The following TSNARE1 variants were observed in gnomAD, a reference collection of about 807,000 sequenced individuals.
TSNARE1 encodes the protein t-SNARE domain containing 1, also known as t-SNARE domain-containing protein 1.
In TSNARE1, 49 loss-of-function variants were observed where a neutral mutation model predicts 62.0. That is an observed-to-expected ratio of 0.79 (90% CI 0.63 to 1.00). The LOEUF (loss-of-function observed/expected upper bound fraction) is 1.00, where lower values mean the gene tolerates loss of function less well. Among genes scored for constraint, TSNARE1 ranks in the 50% least tolerant of loss-of-function variants. The probability of loss-of-function intolerance (pLI) is 0.00; values close to 1 mark genes in which losing one functional copy is unlikely to be tolerated. For missense variants in TSNARE1, 755 were observed against 700.1 expected (o/e 1.08, Z -0.88); for synonymous variants, 328 against 294.4 (o/e 1.11, Z -1.17).
intron 9 of TSNARE1, among the ~76,000 whole-genome samples, chr8:142,310,034 TTTTTTA>T (rs61510789): frequency 0.043 from 6,485 of 152,268 alleles, 350 homozygotes; most frequent in African/African-American, 0.13. Context: ...GCGTTTTTCT[TTTTTTA>T]ATGTGTAGGA....
At chr8:142,229,100 G>A (rs1816969815) in intron 13 of TSNARE1, among the ~76,000 whole-genome samples, 1 of 67,966 alleles carries the variant, frequency 1.5e-5, no homozygotes, top group African/African-American at 8.8e-5. Context: ...ATGGATGGAT[G>A]GATGGAAGGA....
In TSNARE1 at chr8:142,341,980, C is replaced by T. The variant is rs376266618; in HGVS notation, c.745+1986G>A. Among the ~76,000 whole-genome samples the T allele has an allele frequency of 2.6e-3, 400 of 152,318 alleles. 2 individuals carry two copies. The highest frequency in any genetic ancestry group is 9.0e-3 in the African/African-American group (375 of 41,578). On this transcript the variant is annotated intron_variant, in intron 4 of 13. Transcript: ENST00000524325. ...TGCTCTGTGTCACCCCAGTCCCAGGCCCTGCCGGCCACCTACAATAGGGGC... is the reference window on the plus strand; with the variant it reads ...TGCTCTGTGTCACCCCAGTCCCAGGTCCTGCCGGCCACCTACAATAGGGGC...
intron 4 of TSNARE1, among the ~76,000 whole-genome samples, chr8:142,338,559 A>ACAGG (rs1425444930): frequency 2.0e-5 from 3 of 151,660 alleles, no homozygotes; most frequent in African/African-American, 7.3e-5. Context: ...GGGCAAGCTG[A>ACAGG]CAGGCTGCCT....
chr8:142,342,508 G>A (rs997021002), intron 4 of TSNARE1, among the ~76,000 whole-genome samples: 2 of 152,126 alleles, frequency 1.3e-5, no homozygotes, highest in Non-Finnish European at 2.9e-5. Context: ...CCAGTCCCGG[G>A]GCAGGGCATG....
At chr8:142,273,541 T>C (rs1479563356) in intron 12 of TSNARE1, 6 of 985,318 alleles carry the variant, frequency 6.1e-6, no homozygotes, top group East Asian at 2.3e-4. Flanking sequence ...CAGGTGACCT[T>C]GGCACAGCCT....
At chr8:142,216,843 G>T (rs1159741606) in intron 13 of TSNARE1, among the ~76,000 whole-genome samples, 1 of 152,124 alleles carries the variant, frequency 6.6e-6, no homozygotes, top group African/African-American at 2.4e-5. Context: ...GACATCCCTG[G>T]GCCCCACACT....
intron 4 of TSNARE1, 84 bp from the exon 5 acceptor site, chr8:142,331,915 C>T: frequency 1.5e-6 from 2 of 1,375,202 alleles, no homozygotes; most frequent in Non-Finnish European, 2.0e-6. Context: ...CTGGGCAGCC[C>T]CCAGGGGCAG....
intron 11 of TSNARE1, chr8:142,275,773 G>C: frequency 1.0e-6 from 1 of 985,444 alleles, no homozygotes; most frequent in South Asian, 4.7e-5. Flanking sequence ...ACAGACCTGA[G>C]CTGACTTGAG....
chr8:142,338,667 C>T (rs1422797059), intron 4 of TSNARE1, among the ~76,000 whole-genome samples: 2 of 152,262 alleles, frequency 1.3e-5, no homozygotes, highest in African/African-American at 4.8e-5. Context: ...CCAGGCAGTT[C>T]CCCAGTTGCC....
chr8:142,298,721 ACT>A (rs1339169312), intron 10 of TSNARE1, among the ~76,000 whole-genome samples: 2 of 151,634 alleles, frequency 1.3e-5, no homozygotes, highest in African/African-American at 4.9e-5. Flanking sequence ...TCCTCACGAC[ACT>A]CTATGCCCCA....
chr8:142,322,819 TGGACAAC>T (rs1228541645), intron 6 of TSNARE1, among the ~76,000 whole-genome samples: 1 of 151,678 alleles, frequency 6.6e-6, no homozygotes, highest in African/African-American at 2.4e-5. Flanking sequence ...GTCTGTGGGT[TGGACAAC>T]GATACTATTA....
At chr8:142,343,466 C>T (rs1015959499) in intron 4 of TSNARE1, among the ~76,000 whole-genome samples, 2 of 151,662 alleles carry the variant, frequency 1.3e-5, no homozygotes, top group East Asian at 3.9e-4. Flanking sequence ...CAGGCAGCAA[C>T]GGCAAATGCC....
Position 142,387,967 on chromosome 8 carries a change from G to A in TSNARE1, c.-40+15137C>T, listed in dbSNP as rs181047715. 3.0e-3 allele frequency among the ~76,000 whole-genome samples: 455 copies of A among 152,154 alleles called. 2 individuals carry two copies. The highest frequency in any genetic ancestry group is 0.016 in the South Asian group (78 of 4,816). On this transcript the variant is annotated intron_variant, in intron 1 of 13. Coordinates refer to ENST00000524325, the MANE Select transcript of TSNARE1 (RefSeq NM_145003.5). ...AGTGTACATACAAAAGAAAACTACA[G>A]ACCAACCTTAATTATGAAGAGCAAT... is the stretch of plus-strand genomic sequence containing the variant.
intron 2 of TSNARE1, among the ~76,000 whole-genome samples, chr8:142,346,894 G>A (rs1277120401): frequency 3.3e-5 from 5 of 152,236 alleles, no homozygotes; most frequent in Non-Finnish European, 5.9e-5. Context: ...ACAGCCCAAC[G>A]TGACAGGGAG....
intron 7 of TSNARE1, among the ~76,000 whole-genome samples, chr8:142,318,118 G>C (rs187588105): frequency 3.3e-4 from 50 of 152,348 alleles, no homozygotes; most frequent in Non-Finnish European, 6.3e-4. Flanking sequence ...AGGCGCCAAG[G>C]TAGGTGAGGG....
intron 12 of TSNARE1, among the ~76,000 whole-genome samples, chr8:142,253,768 G>A (rs1055916579): frequency 1.4e-4 from 21 of 152,224 alleles, no homozygotes; most frequent in African/African-American, 2.2e-4. Flanking sequence ...CCCTGCGGCT[G>A]GTCAGTGGGA....
intron 1 of TSNARE1, among the ~76,000 whole-genome samples, chr8:142,398,883 G>A (rs1040036316): frequency 6.6e-6 from 1 of 152,188 alleles, no homozygotes; most frequent in Non-Finnish European, 1.5e-5. Context: ...GAAGGGCCCT[G>A]TGCAGCACAG....
In TSNARE1 at chr8:142,274,772, C is replaced by T. The variant is rs756476863; in HGVS notation, c.1446+9G>A. ...CCGGCCGGGCACTGTGGCCCTCACA[C>T]GGACTTACTTGGTGCCGGCTGGCTC... On this transcript the variant is annotated intron_variant, in intron 12 of 13. Transcript: ENST00000524325. 1.6e-5 allele frequency: 25 copies of T among 1,550,084 alleles called. No homozygotes were observed. In the Admixed American group the frequency reaches 2.3e-4, roughly 14 times the overall value.
At chr8:142,344,986 C>T (rs530579550) in intron 3 of TSNARE1, among the ~76,000 whole-genome samples, 15 of 152,250 alleles carry the variant, frequency 9.9e-5, no homozygotes, top group African/African-American at 3.4e-4. Flanking sequence ...GGTGGGGACA[C>T]GGTGGCCAGC....
Sources: allele counts gnomAD v4.1 joint callset (sites outside exome capture counted in the v4.1 genomes callset), GRCh38; gene constraint gnomAD v4.1.1; transcripts MANE v1.5; gene names NCBI Gene and HGNC (gene_info 2026-07-23, HGNC 2026-07-21).